MASP1: variants seen among roughly 807,000 people sequenced by gnomAD.
MASP1 encodes mannan-binding lectin serine protease 1.
MASP1 carries 59 observed loss-of-function variants against 77.1 expected under a neutral mutation model. That is an observed-to-expected ratio of 0.77 (90% CI 0.62 to 0.95). The LOEUF is 0.95. MASP1 is among the 40% of genes least tolerant of loss of function. The pLI, the probability that MASP1 is intolerant of heterozygous loss-of-function variation, is 0.00. For missense variants in MASP1, 885 were observed against 912.9 expected (o/e 0.97, Z 0.39); for synonymous variants, 362 against 354.5 (o/e 1.02, Z -0.24).
chr3:187,243,847 G>A, intron 8 of MASP1: 1 of 591,628 alleles, frequency 1.7e-6, no homozygotes, highest in Non-Finnish European at 3.1e-6. Context: ...GTACTACTGT[G>A]TGGTCAACTC....
chr3:187,221,207 G>A (rs930137508), intron 14 of MASP1: 18 of 1,082,866 alleles, frequency 1.7e-5, no homozygotes, highest in Admixed American at 7.8e-5. Context: ...CCCTGAAGAC[G>A]GCTCCTCTCC....
chr3:187,247,474 C>G, intron 8 of MASP1: 2 of 1,472,658 alleles, frequency 1.4e-6, no homozygotes, highest in Non-Finnish European at 1.9e-6. Flanking sequence ...GATTAGCAAG[C>G]AAAGCAGAAA....
chr3:187,255,689 T>C (rs1200885265), intron 5 of MASP1, among the ~76,000 whole-genome samples: 5 of 152,224 alleles, frequency 3.3e-5, no homozygotes, highest in Non-Finnish European at 7.3e-5. Context: ...TCTAGAGTTT[T>C]CTTCTGTGTC....
At chr3:187,263,077 G>T in intron 2 of MASP1, 1 of 305,880 alleles carries the variant, frequency 3.3e-6, no homozygotes, top group East Asian at 8.5e-5. Flanking sequence ...CATTTCCAAA[G>T]AATGGAAACT....
rs766750640 is a variant in MASP1, at chr3:187,221,186, T to C, written c.1810-52A>G. 6 of 1,348,288 alleles carry C rather than the reference T, an allele frequency of 4.5e-6. No individual in the cohort carries two copies. In the Admixed American group the frequency reaches 9.1e-5, roughly 20 times the overall value. The allele number at this position is 1,348,288 out of a possible 1,614,324, so 83.5% of individuals were successfully genotyped here. ...TCATCCCCGGCTGAGAAGCCTCTGCTATTCTGACACCCCTGAAGACGGCTC... is the reference window on the plus strand; with the variant it reads ...TCATCCCCGGCTGAGAAGCCTCTGCCATTCTGACACCCCTGAAGACGGCTC... On this transcript the variant is annotated intron_variant, in intron 14 of 15. Coordinates refer to the MASP1 transcript ENST00000337774.
At chr3:187,218,045 T>C (rs1289690049) in exon 16 of MASP1, 1 of 152,200 alleles carries the variant, frequency 6.6e-6, no homozygotes, top group African/African-American at 2.4e-5. Flanking sequence ...TCTCCCTCCA[T>C]GTGGAAGGCC....
chr3:187,234,334 G>C lies in MASP1; in HGVS notation c.*1350C>G, dbSNP rs991504896. The C allele has an allele frequency of 7.8e-7, 1 of 1,287,250 alleles. No individual in the cohort carries two copies. Among genetic ancestry groups the C allele is most frequent in the South Asian group, 1.2e-5 (1 of 80,936 alleles). 79.7% of individuals were successfully genotyped at this position (1,287,250 alleles called of 1,614,324 possible). On this transcript the variant is annotated 3_prime_UTR_variant, in exon 11 of 11. Coordinates refer to ENST00000296280, the MANE Select transcript of MASP1 (RefSeq NM_139125.4). ...GAGATTTTCAGGAGAGAGAGCTCCA[G>C]GGAGAAGGAGAACAATCAGCCCTGT...
At chr3:187,267,334 T>C (rs1267305693) in intron 2 of MASP1, among the ~76,000 whole-genome samples, 1 of 152,174 alleles carries the variant, frequency 6.6e-6, no homozygotes, top group Non-Finnish European at 1.5e-5. Context: ...TCAGGGCCCT[T>C]GAGGAGCATT....
At chr3:187,273,030 C>T (rs1009481076) in intron 2 of MASP1, among the ~76,000 whole-genome samples, 1 of 152,166 alleles carries the variant, frequency 6.6e-6, no homozygotes, top group Non-Finnish European at 1.5e-5. Flanking sequence ...CTCAGTACAT[C>T]AATGAGAAAA....
At position 187,235,279 on chromosome 3, in the gene MASP1, C is replaced by T; in HGVS notation, c.*405G>A. ...TCAGTTCAATGTTAGAAACCATTTTCTAATAGTCAGGTCCAAGCTCAGTTA... is the reference window on the plus strand; with the variant it reads ...TCAGTTCAATGTTAGAAACCATTTTTTAATAGTCAGGTCCAAGCTCAGTTA... On this transcript the variant is annotated 3_prime_UTR_variant, in exon 11 of 11. Transcript: ENST00000296280. The T allele has an allele frequency of 7.7e-7, 1 of 1,306,634 alleles. No homozygotes were observed. Among genetic ancestry groups the T allele is most frequent in the Non-Finnish European group, 1.0e-6 (1 of 1,002,252 alleles). 80.9% of individuals were successfully genotyped at this position (1,306,634 alleles called of 1,614,324 possible).
chr3:187,251,223 G>A (rs1327447147), intron 7 of MASP1, among the ~76,000 whole-genome samples: 1 of 152,072 alleles, frequency 6.6e-6, no homozygotes, highest in Non-Finnish European at 1.5e-5. Context: ...GCCTCCCAAA[G>A]TGCTGGGATT....
intron 5 of MASP1, among the ~76,000 whole-genome samples, chr3:187,256,156 A>G (rs991525986): frequency 1.5e-4 from 23 of 152,216 alleles, no homozygotes; most frequent in Admixed American, 1.2e-3. Context: ...TGCCTTTGAC[A>G]TAGCCTCTTC....
At chr3:187,229,304 G>T (rs548329642), downstream of MASP1, among the ~76,000 whole-genome samples, 6 of 152,092 alleles carry the variant, frequency 3.9e-5, no homozygotes, top group Admixed American at 1.3e-4. Context: ...CCCCACCACT[G>T]CAATGGATGT....
chr3:187,243,193 T>C (rs549572038), intron 9 of MASP1: 19 of 414,192 alleles, frequency 4.6e-5, no homozygotes, highest in African/African-American at 3.2e-4. Flanking sequence ...AGTGTGTGAC[T>C]CCTTCACGCT....
At position 187,234,455 on chromosome 3, in the gene MASP1, G is replaced by A. The variant is rs764388170; in HGVS notation, c.*1229C>T. 3 of 1,285,326 alleles carry A rather than the reference G, an allele frequency of 2.3e-6. No homozygotes were observed. The highest frequency in any genetic ancestry group is 3.0e-6 in the Non-Finnish European group (3 of 986,942). 79.6% of individuals were successfully genotyped at this position (1,285,326 alleles called of 1,614,324 possible). A position where few individuals can be genotyped will look rare whatever the true frequency, so the allele number is the denominator to read the frequency against. The stretch of plus-strand genomic sequence containing the variant: ...CTTATGCCAGCCTGTTGCTGACGGA[G>A]AACCAGAGACTCAGACAAAGAAAAT... On this transcript the variant is annotated 3_prime_UTR_variant, in exon 11 of 11. Coordinates refer to ENST00000296280, the MANE Select transcript of MASP1 (RefSeq NM_139125.4).
At chr3:187,276,436 C>T (rs1716974819) in intron 2 of MASP1, among the ~76,000 whole-genome samples, 2 of 152,210 alleles carry the variant, frequency 1.3e-5, no homozygotes, top group South Asian at 4.1e-4. Flanking sequence ...ATGAATACCT[C>T]TTCGTCCCTT....
At position 187,220,153 on chromosome 3, in the gene MASP1, C is replaced by T. The variant is rs949174169; in HGVS notation, c.2018G>A (p.Gly673Glu). 4 of 1,614,164 alleles carry T rather than the reference C, an allele frequency of 2.5e-6. No individual in the cohort carries two copies. Among genetic ancestry groups the T allele is most frequent in the African/African-American group, 1.3e-5 (1 of 75,046 alleles). The change falls in exon 16 of 16, where the codon GGG becomes GAG. Residue 673 changes from glycine (G) to glutamate (E), a missense_variant. By Grantham distance (98) the Gly-to-Glu change is moderately conservative (BLOSUM62 -2). Transcript: ENST00000337774. ...GTATACTCCGTAGCGGTCCTTCTTC[C>T]CACAGTCATCACCCCAGGACACAGT... is the stretch of plus-strand genomic sequence containing the variant.
At chr3:187,227,374 T>A (rs1337395683) in intron 11 of MASP1, among the ~76,000 whole-genome samples, 1 of 152,218 alleles carries the variant, frequency 6.6e-6, no homozygotes, top group Non-Finnish European at 1.5e-5. Context: ...TCAGCTGTCA[T>A]CTTTCTCTGG....
rs112839925 is a variant in MASP1 at position 187,241,587 on chromosome 3, G to A, written c.1229-32C>T. On this transcript the variant is annotated intron_variant, in intron 9 of 10. Transcript: ENST00000296280. ...TAGTGAAAGAGGTTAGGAGAGGAGG[G>A]AGAAAATGGTTGATTTGTAACACAT... The A allele has an allele frequency of 3.5e-4, 506 of 1,427,428 alleles. 1 individual carries two copies. The Middle Eastern group carries it at 0.012, about 33-fold the overall frequency. The allele number at this position is 1,427,428 out of a possible 1,614,324, so 88.4% of individuals were successfully genotyped here. A position where few individuals can be genotyped will look rare whatever the true frequency, so the allele number is the denominator to read the frequency against.
Sources: gnomAD v4.1 joint callset for allele counts (sites outside exome capture counted in the v4.1 genomes callset) on GRCh38, gnomAD v4.1.1 for gene constraint, MANE v1.5 for transcripts, NCBI Gene and HGNC (gene_info 2026-07-23, HGNC 2026-07-21) for gene names.